The following FHIT variants were observed in gnomAD, a reference collection of about 807,000 sequenced individuals.
The protein encoded by FHIT is fragile histidine triad diadenosine triphosphatase, also known as bis(5'-adenosyl)-triphosphatase.
In FHIT, 19 loss-of-function variants were observed where a neutral mutation model predicts 17.9. The observed-to-expected ratio is 1.06, with a 90% CI of 0.74 to 1.56. The LOEUF (loss-of-function observed/expected upper bound fraction) is 1.56. Ranked by LOEUF, FHIT falls within the 40% of genes most tolerant of loss-of-function variation. The pLI, the probability that FHIT is intolerant of heterozygous loss-of-function variation, is 0.00. For synonymous variants in FHIT, 81 were observed against 69.7 expected (o/e 1.16, Z -0.81); for missense variants, 248 against 189.2 (o/e 1.31, Z -1.82).
At chr3:61,014,540 G>A (rs1201919815) in intron 3 of FHIT, among the ~76,000 whole-genome samples, 1 of 151,736 alleles carries the variant, frequency 6.6e-6, no homozygotes, top group Non-Finnish European at 1.5e-5. Context: ...AGCACTTTGG[G>A]AGGCCGAGAC....
At position 60,414,198 on chromosome 3, in the gene FHIT, T is replaced by A. The variant is rs555849974; in HGVS notation, c.103+122662A>T. 2.4e-4 allele frequency among the ~76,000 whole-genome samples: 37 copies of A among 152,306 alleles called. 1 individual carries two copies. Among genetic ancestry groups the A allele is most frequent in the African/African-American group, 7.9e-4 (33 of 41,582 alleles). ...GAATCACATGGAGGGCTTGTTAAAC[T>A]AGATTGCTGAGCCCCACCCACCAAA... On this transcript the variant is annotated intron_variant, in intron 5 of 9. Transcript: ENST00000492590.
chr3:60,834,872 A>G lies in FHIT; in HGVS notation c.-110-12861T>C, dbSNP rs1355922220. Among the ~76,000 whole-genome samples the G allele has an allele frequency of 2.1e-4, 30 of 142,114 alleles. No individual in the cohort carries two copies. In the East Asian group the frequency reaches 5.6e-3, roughly 27 times the overall value. 93.2% of individuals were successfully genotyped at this position (142,114 alleles called of 152,430 possible). Reference sequence around the variant, plus strand: ...TGAGTGAGACACTGTCTCAAAAAAGAAAAGAAAAGAAAAAAAAAAAAAAAA... The same window carrying G: ...TGAGTGAGACACTGTCTCAAAAAAGGAAAGAAAAGAAAAAAAAAAAAAAAA... On this transcript the variant is annotated intron_variant, in intron 3 of 9. Coordinates refer to ENST00000492590, the MANE Select transcript of FHIT (RefSeq NM_002012.4).
chr3:61,101,963 A>G (rs937222932), intron 2 of FHIT, among the ~76,000 whole-genome samples: 2 of 152,126 alleles, frequency 1.3e-5, no homozygotes, highest in African/African-American at 2.4e-5. Flanking sequence ...AGCTGAGACA[A>G]TGGGGTTTTC....
At chr3:60,131,018 CACATATAT>C (rs1365518942) in intron 5 of FHIT, among the ~76,000 whole-genome samples, 12 of 112,400 alleles carry the variant, frequency 1.1e-4, no homozygotes, top group African/African-American at 1.8e-4. Context: ...TGTATATATA[CACATATAT>C]ACATATGTGT....
intron 5 of FHIT, among the ~76,000 whole-genome samples, chr3:60,340,286 T>C (rs1343983955): frequency 1.3e-5 from 2 of 152,184 alleles, no homozygotes; most frequent in African/African-American, 4.8e-5. Flanking sequence ...TTTATATAAA[T>C]AGGAAGCGAG....
chr3:60,594,256 G>C (rs1210396710), intron 4 of FHIT, among the ~76,000 whole-genome samples: 1 of 150,546 alleles, frequency 6.6e-6, no homozygotes, highest in Non-Finnish European at 1.5e-5. Flanking sequence ...GCAAGTCAAA[G>C]CATGTCCTAA....
intron 2 of FHIT, among the ~76,000 whole-genome samples, chr3:61,052,778 C>T (rs2034073894): frequency 6.6e-6 from 1 of 152,158 alleles, no homozygotes; most frequent in Non-Finnish European, 1.5e-5. Context: ...AGAATGAACA[C>T]ATTTATAATA....
chr3:59,955,591 G>C (rs1324577672), intron 7 of FHIT, among the ~76,000 whole-genome samples: 2 of 152,166 alleles, frequency 1.3e-5, no homozygotes, highest in African/African-American at 4.8e-5. Flanking sequence ...CCATGTGGAA[G>C]TCATAGAAGA....
At chr3:59,783,505 T>C (rs1702695714) in intron 8 of FHIT, among the ~76,000 whole-genome samples, 1 of 152,086 alleles carries the variant, frequency 6.6e-6, no homozygotes, top group Admixed American at 6.5e-5. Flanking sequence ...CAAATAATAG[T>C]GTCCCAATAG....
chr3:60,311,250 C>CGTGTGTGTGTGTGTGTGT (rs10621849), intron 5 of FHIT, among the ~76,000 whole-genome samples: 1 of 150,826 alleles, frequency 6.6e-6, no homozygotes, highest in African/African-American at 2.4e-5. Context: ...TCTACCCCAA[C>CGTGTGTGTGTGTGTGTGT]GTGTGTGTGT....
chr3:60,616,655 A>G (rs1576978543), intron 4 of FHIT, among the ~76,000 whole-genome samples: 1 of 152,196 alleles, frequency 6.6e-6, no homozygotes, highest in African/African-American at 2.4e-5. Context: ...AAACTATAAA[A>G]CTTTGCTGAA....
chr3:59,951,686 T>C (rs1707125151), intron 7 of FHIT, among the ~76,000 whole-genome samples: 1 of 151,562 alleles, frequency 6.6e-6, no homozygotes. Context: ...AATAGAACTT[T>C]AGGGCATCTG....
chr3:60,115,928 T>C (rs1430635284), intron 5 of FHIT, among the ~76,000 whole-genome samples: 1 of 152,122 alleles, frequency 6.6e-6, no homozygotes, highest in African/African-American at 2.4e-5. Context: ...TGGAAGGAAA[T>C]TTACTCAAAT....
chr3:60,560,720 G>A (rs1044171260), intron 4 of FHIT, among the ~76,000 whole-genome samples: 10 of 151,412 alleles, frequency 6.6e-5, no homozygotes, highest in Middle Eastern at 3.4e-3. Flanking sequence ...GAATAGAGCC[G>A]GTCCTTTACT....
At chr3:61,019,709 A>C (rs1464973464) in intron 3 of FHIT, among the ~76,000 whole-genome samples, 2 of 152,194 alleles carry the variant, frequency 1.3e-5, no homozygotes, top group Non-Finnish European at 2.9e-5. Context: ...TAAACATTAC[A>C]CAGGAACAAG....
chr3:60,332,824 A>C (rs1483565617), intron 5 of FHIT, among the ~76,000 whole-genome samples: 22 of 152,214 alleles, frequency 1.4e-4, no homozygotes, highest in Admixed American at 1.4e-3. Context: ...AAATCAAGTT[A>C]GGGACATAGA....
chr3:60,097,757 A>G (rs1704018373), intron 5 of FHIT, among the ~76,000 whole-genome samples: 1 of 151,202 alleles, frequency 6.6e-6, no homozygotes, highest in Admixed American at 6.6e-5. Context: ...GTACATGTGC[A>G]CAATGTGCAG....
chr3:59,798,298 T>A (rs1348101166), intron 8 of FHIT, among the ~76,000 whole-genome samples: 2 of 152,204 alleles, frequency 1.3e-5, no homozygotes, highest in African/African-American at 4.8e-5. Flanking sequence ...TAGATAGATC[T>A]TAACATGAAC....
chr3:61,042,722 G>T (rs374731707), intron 2 of FHIT, among the ~76,000 whole-genome samples: 1 of 151,700 alleles, frequency 6.6e-6, no homozygotes, highest in South Asian at 2.1e-4. Flanking sequence ...TACCTGTAAT[G>T]CCAGCTACTT....
Sources: allele counts gnomAD v4.1 joint callset (sites outside exome capture counted in the v4.1 genomes callset), GRCh38; gene constraint gnomAD v4.1.1; transcripts MANE v1.5; gene names NCBI Gene and HGNC (gene_info 2026-07-23, HGNC 2026-07-21).